The following EPS15L1 variants were observed in gnomAD, a reference collection of about 807,000 sequenced individuals.
The protein encoded by EPS15L1 is epidermal growth factor receptor substrate 15-like 1.
EPS15L1 carries 43 observed loss-of-function variants against 117.1 expected under a neutral mutation model. The observed-to-expected ratio is 0.37, with a 90% confidence interval of 0.29 to 0.47. The LOEUF is 0.47. Ranked by LOEUF, EPS15L1 falls within the 20% of genes least tolerant of loss-of-function variation. EPS15L1 has a pLI of 0.99. For synonymous variants in EPS15L1, 459 were observed against 470.5 expected, an observed-to-expected ratio of 0.98 and a Z score of 0.32; for missense variants, 981 against 1,164.0, an observed-to-expected ratio of 0.84 and a Z score of 2.29.
chr19:16,416,704 G>A (rs1360340597), intron 12 of EPS15L1, among the ~76,000 whole-genome samples: 1 of 152,000 alleles, frequency 6.6e-6, no homozygotes, highest in Non-Finnish European at 1.5e-5. Context: ...GGAGGCTGAG[G>A]TGGGAGGATT....
At position 16,421,398 on chromosome 19, in the gene EPS15L1, C is replaced by A; in HGVS notation, c.871G>T (p.Asp291Tyr). The A allele has an allele frequency of 6.2e-7, 1 of 1,614,182 alleles. No homozygotes were observed. Among genetic ancestry groups the A allele is most frequent in the Non-Finnish European group, 8.5e-7 (1 of 1,180,010 alleles). ...ACCTCCTGGCCACTCACGTAGCCAT[C>A]CAGGTCCAGGTCGGTCTTCAGGAAT... Reference protein sequence around the residue: ...EIFLKTDLDLDGYVSGQEVKE... With the variant: ...EIFLKTDLDLYGYVSGQEVKE... The change falls in exon 10 of 24, where the codon GAT (aspartate) becomes TAT (tyrosine). Residue 291 changes from aspartate (D) to tyrosine (Y), a missense_variant. Physicochemically the swap from Asp to Tyr is radical, Grantham distance 160. Around this residue, in one of 5 missense-constraint regions of EPS15L1, gnomAD observed 819 missense variants for 949.0 expected, o/e 0.86. Transcript: ENST00000455140.
Position 16,417,990 on chromosome 19 carries a change from C to T in EPS15L1, c.1065G>A (p.Ser355=), listed in dbSNP as rs138734142. 38 of 1,614,032 alleles carry T rather than the reference C, an allele frequency of 2.4e-5. No individual in the cohort carries two copies. The highest frequency in any genetic ancestry group is 1.0e-4 in the Admixed American group (6 of 59,988). ...SKGIDPPQVL[S]PDMVPPSERG... Reference sequence around the variant, plus strand: ...TCTCCGAAGGCGGGACCATGTCCGGCGAGAGGACTTGAGGAGGGTCGATGC... The same window carrying T: ...TCTCCGAAGGCGGGACCATGTCCGGTGAGAGGACTTGAGGAGGGTCGATGC... The change falls in exon 11 of 24, where the codon TCG becomes TCA. Residue 355 remains serine (S), a synonymous_variant. Transcript: ENST00000455140.
chr19:16,417,842 C>A, intron 11 of EPS15L1, 106 bp downstream of exon 11: 3 of 1,468,840 alleles, frequency 2.0e-6, no homozygotes. Context: ...GCAGGGACCA[C>A]AGGCAGCACC....
At chr19:16,423,189 C>A (rs2144959401) in intron 9 of EPS15L1, among the ~76,000 whole-genome samples, 2 of 152,120 alleles carry the variant, frequency 1.3e-5, no homozygotes, top group Middle Eastern at 6.8e-3. Context: ...ACCATGTGAC[C>A]CAGATCAGCT....
chr19:16,418,191 C>T (rs556369096), intron 10 of EPS15L1, 87 bp from the exon 11 acceptor site: 16 of 1,460,706 alleles, frequency 1.1e-5, no homozygotes, highest in East Asian at 4.6e-5. Context: ...TTTTCAAAAA[C>T]GACAGCGACG....
At position 16,372,953 on chromosome 19, in the gene EPS15L1, A is replaced by G. The variant is rs535588539; in HGVS notation, c.2380+4169T>C. 3.6e-4 allele frequency among the ~76,000 whole-genome samples: 55 copies of G among 152,330 alleles called. No individual in the cohort carries two copies. The South Asian group carries it at 3.9e-3, about 11-fold the overall frequency. ...CAGTTCTCCTGTCCTGGCCTCACAC[A>G]TCAGCCATTTCCTGGCACAGAGGCC... On this transcript the variant is annotated intron_variant, in intron 22 of 23. Coordinates refer to ENST00000455140, the MANE Select transcript of EPS15L1 (RefSeq NM_001258374.3).
At position 16,395,385 on chromosome 19, in the gene EPS15L1, G is replaced by A. The variant is rs2092529318; in HGVS notation, c.1874C>T (p.Pro625Leu). 6.2e-7 allele frequency: 1 copy of A among 1,613,950 alleles called. No homozygotes were observed. The highest frequency in any genetic ancestry group is 8.5e-7 in the Non-Finnish European group (1 of 1,179,890). ...LHPDPFQTED[P>L]FKSDPFKGAD... is the part of the protein sequence containing the mutation. ...TCCTTTAAATGGGTCAGATTTGAAG[G>A]GGTCTTCTGTCTGGAAAGGATCCGG... The change falls in exon 17 of 24, where the codon CCC becomes CTC. Residue 625 changes from proline (P) to leucine (L), a missense_variant. Transcript: ENST00000455140.
chr19:16,395,697 A>G lies in EPS15L1; in HGVS notation c.1792-230T>C, dbSNP rs565773699. On this transcript the variant is annotated intron_variant, in intron 16 of 23. Transcript: ENST00000455140. ...GGTGGCTCACGCCTGTAATCCCAGC[A>G]CTTTGGGAGGCCAAAGCAGGTGGAT... 2.0e-5 allele frequency among the ~76,000 whole-genome samples: 3 copies of G among 152,270 alleles called. No individual in the cohort carries two copies. In the South Asian group the frequency reaches 6.2e-4, roughly 32 times the overall value.
At chr19:16,391,941 A>C (rs1468264243) in intron 19 of EPS15L1, among the ~76,000 whole-genome samples, 2 of 151,718 alleles carry the variant, frequency 1.3e-5, no homozygotes, top group Non-Finnish European at 1.5e-5. Context: ...TGCTTGTGTG[A>C]TTTAGTCTTT....
chr19:16,374,635 G>A (rs761025060), intron 22 of EPS15L1, among the ~76,000 whole-genome samples: 2 of 152,226 alleles, frequency 1.3e-5, no homozygotes, highest in South Asian at 2.1e-4. Context: ...ACCCAGCGCC[G>A]GGTTTAGGTA....
At chr19:16,432,494 G>A (rs886492788) in intron 7 of EPS15L1, among the ~76,000 whole-genome samples, 1 of 152,202 alleles carries the variant, frequency 6.6e-6, no homozygotes, top group African/African-American at 2.4e-5. Context: ...CGTGAACCCA[G>A]GAGGCGGAGC....
At chr19:16,361,737 G>T in intron 23 of EPS15L1, 42 bp downstream of exon 23, 1 of 1,571,974 alleles carries the variant, frequency 6.4e-7, no homozygotes, top group South Asian at 1.2e-5. Context: ...AGCTGCAAGC[G>T]GAAGGGAGTG....
At chr19:16,458,155 C>A (rs183364876) in intron 1 of EPS15L1, among the ~76,000 whole-genome samples, 1 of 152,266 alleles carries the variant, frequency 6.6e-6, no homozygotes, top group Admixed American at 6.5e-5. Context: ...GCCAAGGACG[C>A]CAAGATCCCC....
chr19:16,371,400 G>C lies in EPS15L1; in HGVS notation c.2380+5722C>G, dbSNP rs2092222790. 6.6e-6 allele frequency among the ~76,000 whole-genome samples: 1 copy of C among 152,314 alleles called. No individual in the cohort carries two copies. Among genetic ancestry groups the C allele is most frequent in the African/African-American group, 2.4e-5 (1 of 41,570 alleles). On this transcript the variant is annotated intron_variant, in intron 22 of 23. Coordinates refer to ENST00000455140, the MANE Select transcript of EPS15L1 (RefSeq NM_001258374.3). This position sits in a 1 kb window ranked among gnomAD's most constrained non-coding sequence, Gnocchi z 4.7. Reference sequence around the variant, plus strand: ...GACTTTTGTCTTCTTCTTTTGTTGAGAGAGCTGCTCAAATCAAACAGGACA... The same window carrying C: ...GACTTTTGTCTTCTTCTTTTGTTGACAGAGCTGCTCAAATCAAACAGGACA...
intron 3 of EPS15L1, 90 bp downstream of exon 3, chr19:16,441,802 T>C (rs2093034806): frequency 2.0e-6 from 2 of 1,003,484 alleles, no homozygotes; most frequent in South Asian, 1.6e-5. Flanking sequence ...CCGGGCCCCA[T>C]GGAAGGAGGC....
intron 7 of EPS15L1, among the ~76,000 whole-genome samples, chr19:16,432,524 C>A (rs574737027): frequency 6.6e-6 from 1 of 151,924 alleles, no homozygotes; most frequent in Non-Finnish European, 1.5e-5. Context: ...GCAGAGATTG[C>A]GCCACTGTAC....
intron 7 of EPS15L1, among the ~76,000 whole-genome samples, chr19:16,432,637 T>C (rs1175738780): frequency 6.6e-6 from 1 of 151,432 alleles, no homozygotes; most frequent in African/African-American, 2.4e-5. Context: ...CCGGCTGTTG[T>C]GGTGCATGCC....
chr19:16,432,253 G>A (rs1413489542), intron 7 of EPS15L1, among the ~76,000 whole-genome samples: 1 of 152,130 alleles, frequency 6.6e-6, no homozygotes, highest in Non-Finnish European at 1.5e-5. Flanking sequence ...GACCAACATG[G>A]TGAAACCCCA....
chr19:16,387,708 G>A (rs983696291), intron 19 of EPS15L1, among the ~76,000 whole-genome samples: 2 of 152,208 alleles, frequency 1.3e-5, no homozygotes, highest in African/African-American at 4.8e-5. Context: ...GGAGGTTGCA[G>A]TGAGCTGAGA....
Sources: allele counts gnomAD v4.1 joint callset (sites outside exome capture counted in the v4.1 genomes callset), GRCh38; gene constraint gnomAD v4.1.1; regional missense constraint gnomAD v4.1.1; non-coding constraint Gnocchi (gnomAD v3.1); transcripts MANE v1.5; gene names NCBI Gene and HGNC (gene_info 2026-07-23, HGNC 2026-07-21).